The following IRAG1 variants were observed in gnomAD, a reference collection of about 807,000 sequenced individuals.
The protein encoded by IRAG1 is inositol 1,4,5-triphosphate receptor associated 1, also known as IP3R-associated cGMP kinase substrate.
IRAG1 carries 62 observed loss-of-function variants against 106.2 expected under a neutral mutation model. That is an observed-to-expected ratio of 0.58 (90% CI 0.48 to 0.72). The LOEUF is 0.72. Among genes scored for constraint, IRAG1 ranks in the 30% least tolerant of loss-of-function variants. IRAG1 has a pLI of 0.00. For synonymous variants in IRAG1, 462 were observed against 443.9 expected (o/e 1.04, Z -0.51); for missense variants, 1,064 against 1,140.7 (o/e 0.93, Z 0.97).
At chr11:10,634,115 G>A (rs762623358) in intron 2 of IRAG1, 44 bp from the exon 3 acceptor site, 4 of 1,169,434 alleles carry the variant, frequency 3.4e-6, no homozygotes, top group South Asian at 2.8e-5. Context: ...TTGGGCTGGT[G>A]GGACTTCCAG....
chr11:10,690,521 A>T, intron 1 of IRAG1, among the ~76,000 whole-genome samples: 1 of 152,132 alleles, frequency 6.6e-6, no homozygotes. Context: ...CCCATTTGTG[A>T]GGCTGCCCTG....
At chr11:10,616,194 G>A (rs918229031) in intron 10 of IRAG1, among the ~76,000 whole-genome samples, 7 of 150,752 alleles carry the variant, frequency 4.6e-5, no homozygotes, top group Admixed American at 2.0e-4. Flanking sequence ...AGTCCCGGCC[G>A]AGGAAGGAGA....
intron 15 of IRAG1, among the ~76,000 whole-genome samples, chr11:10,594,949 C>G (rs1350688290): frequency 6.6e-6 from 1 of 152,010 alleles, no homozygotes; most frequent in Non-Finnish European, 1.5e-5. Flanking sequence ...TCTTTTGAGA[C>G]AGTCTCACTC....
chr11:10,596,206 C>T (rs1018542170), intron 15 of IRAG1, among the ~76,000 whole-genome samples: 12 of 152,170 alleles, frequency 7.9e-5, no homozygotes, highest in African/African-American at 2.7e-4. Context: ...TAGGTACATC[C>T]TCTAGTTGTT....
intron 1 of IRAG1, among the ~76,000 whole-genome samples, chr11:10,656,653 C>A (rs1301133666): frequency 6.6e-6 from 1 of 152,186 alleles, no homozygotes; most frequent in Non-Finnish European, 1.5e-5. Context: ...TTTTCTTTAA[C>A]CCCCATGAGA....
intron 4 of IRAG1, chr11:10,630,131 T>C (rs1856574338): frequency 6.4e-6 from 1 of 156,266 alleles, no homozygotes; most frequent in African/African-American, 2.4e-5. Context: ...CACAACCCCG[T>C]GGCCACCTTC....
intron 1 of IRAG1, among the ~76,000 whole-genome samples, chr11:10,692,915 G>A (rs754015121): frequency 2.6e-5 from 4 of 152,190 alleles, no homozygotes; most frequent in Non-Finnish European, 4.4e-5. Context: ...AGGTGAGCAG[G>A]GCCGGGCACG....
chr11:10,689,256 T>C (rs1249428166), intron 1 of IRAG1, among the ~76,000 whole-genome samples: 1 of 152,044 alleles, frequency 6.6e-6, no homozygotes, highest in Admixed American at 6.6e-5. Context: ...TAAATGAGGG[T>C]GACCAACCTT....
rs1250599066 is a variant in IRAG1 at position 10,652,010 on chromosome 11, G to A, written c.225+15C>T. On this transcript the variant is annotated intron_variant, in intron 2 of 20. Coordinates refer to ENST00000423302, the MANE Select transcript of IRAG1 (RefSeq NM_130385.4). Reference sequence around the variant, plus strand: ...CCCCAGCCAGGCTAGCTGAGGGCAGGGAGGGGGCACTTACTTGGCCGGCAG... The same window carrying A: ...CCCCAGCCAGGCTAGCTGAGGGCAGAGAGGGGGCACTTACTTGGCCGGCAG... The A allele has an allele frequency of 1.3e-6, 2 of 1,552,326 alleles. No homozygotes were observed. The highest frequency in any genetic ancestry group is 1.2e-5 in the South Asian group (1 of 84,422).
chr11:10,646,571 G>A (rs1053105810), intron 2 of IRAG1, among the ~76,000 whole-genome samples: 6 of 152,052 alleles, frequency 3.9e-5, no homozygotes, highest in African/African-American at 1.4e-4. Flanking sequence ...CTTCCTATAA[G>A]GGCCACACAA....
At chr11:10,577,801 G>T (rs1182802805) in intron 20 of IRAG1, among the ~76,000 whole-genome samples, 1 of 152,154 alleles carries the variant, frequency 6.6e-6, no homozygotes, top group Non-Finnish European at 1.5e-5. Flanking sequence ...ACATTGACAG[G>T]TTTCCGTTCC....
chr11:10,583,420 C>T (rs1851592849), intron 18 of IRAG1, among the ~76,000 whole-genome samples: 1 of 152,024 alleles, frequency 6.6e-6, no homozygotes, highest in African/African-American at 2.4e-5. Flanking sequence ...CTCATCAAGG[C>T]GGAAGAGTAA....
chr11:10,650,411 T>C (rs1858378890), intron 2 of IRAG1, among the ~76,000 whole-genome samples: 1 of 152,194 alleles, frequency 6.6e-6, no homozygotes, highest in South Asian at 2.1e-4. Context: ...TAGGAATGCT[T>C]TTAGTCTTGG....
chr11:10,613,561 A>G (rs1158481796), intron 10 of IRAG1, among the ~76,000 whole-genome samples: 2 of 152,262 alleles, frequency 1.3e-5, no homozygotes, highest in African/African-American at 4.8e-5. Context: ...TGGGAAAGGG[A>G]CCAGTGGTGA....
chr11:10,690,462 C>T lies in IRAG1; in HGVS notation c.67+3074G>A. On this transcript the variant is annotated intron_variant, in intron 1 of 20. Coordinates refer to ENST00000423302, the MANE Select transcript of IRAG1 (RefSeq NM_130385.4). ...CCCTTGCAGAGAAGGCAGGGCTTGTCCAGGGTCATGGGCGTGAGTTACCTC... is the reference window on the plus strand; with the variant it reads ...CCCTTGCAGAGAAGGCAGGGCTTGTTCAGGGTCATGGGCGTGAGTTACCTC... The T allele has an allele frequency of 3.2e-6, 4 of 1,260,984 alleles. No homozygotes were observed. In the South Asian group the frequency reaches 4.0e-5, roughly 13 times the overall value. 78.1% of individuals were successfully genotyped at this position (1,260,984 alleles called of 1,614,324 possible).
intron 3 of IRAG1, among the ~76,000 whole-genome samples, chr11:10,633,215 C>T (rs775841462): frequency 5.9e-5 from 9 of 151,842 alleles, no homozygotes; most frequent in East Asian, 1.9e-4. Context: ...GCTGGGACTA[C>T]AGGCGCCCGC....
At position 10,573,597 on chromosome 11, in the gene IRAG1, C is replaced by T. The variant is rs1286603109; in HGVS notation, c.*2735G>A. 3 of 152,218 alleles carry T rather than the reference C, an allele frequency of 2.0e-5. No individual in the cohort carries two copies. The highest frequency in any genetic ancestry group is 6.5e-5 in the Admixed American group (1 of 15,278). 9.4% of individuals were successfully genotyped at this position (152,218 alleles called of 1,614,324 possible). ...CTTTTGGAGATGTCCTTTTCCTCGACCTCCCTTGCTTACAAATGGAATAGG... is the reference window on the plus strand; with the variant it reads ...CTTTTGGAGATGTCCTTTTCCTCGATCTCCCTTGCTTACAAATGGAATAGG... On this transcript the variant is annotated 3_prime_UTR_variant, in exon 21 of 21. Transcript: ENST00000423302.
chr11:10,666,092 G>A (rs1859764583), intron 1 of IRAG1, among the ~76,000 whole-genome samples: 1 of 152,186 alleles, frequency 6.6e-6, no homozygotes. Flanking sequence ...CTAATGATAT[G>A]AGATTGGAAG....
At chr11:10,685,719 C>T (rs113926646) in intron 1 of IRAG1, among the ~76,000 whole-genome samples, 1 of 107,964 alleles carries the variant, frequency 9.3e-6, no homozygotes, top group African/African-American at 3.2e-5. Context: ...GAGACCCTGC[C>T]TCTCTTGAAA....
Sources: gnomAD v4.1 joint callset for allele counts (sites outside exome capture counted in the v4.1 genomes callset) on GRCh38, gnomAD v4.1.1 for gene constraint, MANE v1.5 for transcripts, NCBI Gene and HGNC (gene_info 2026-07-23, HGNC 2026-07-21) for gene names.